PDE3B: variants seen among roughly 807,000 people sequenced by gnomAD.
PDE3B encodes the protein phosphodiesterase 3B.
Under a neutral mutation model 116.8 loss-of-function variants are expected in PDE3B, and 66 were observed. The observed-to-expected ratio is 0.56, with a 90% CI of 0.46 to 0.69. The LOEUF (loss-of-function observed/expected upper bound fraction) is 0.69, where lower values mean the gene tolerates loss of function less well. Among genes scored for constraint, PDE3B ranks in the 30% least tolerant of loss-of-function variants. The probability of loss-of-function intolerance (pLI) is 0.00; values close to 1 mark genes in which losing one functional copy is unlikely to be tolerated. For missense variants in PDE3B, 1,384 were observed against 1,368.1 expected (o/e 1.01, Z -0.18); for synonymous variants, 595 against 533.6 (o/e 1.12, Z -1.59).
rs765067853 is a variant in PDE3B, at chr11:14,786,471, T to C, written c.1064T>C (p.Val355Ala). 6.2e-7 allele frequency: 1 copy of C among 1,612,524 alleles called. No individual in the cohort carries two copies. Among genetic ancestry groups the C allele is most frequent in the Admixed American group, 1.7e-5 (1 of 59,928 alleles). Reference sequence around the variant, plus strand: ...GGTGGAAATGGAGTTGATCTTTCAGTGCTAAATGAGGCTCGCAATATGGTG... The same window carrying C: ...GGTGGAAATGGAGTTGATCTTTCAGCGCTAAATGAGGCTCGCAATATGGTG... Reference protein sequence around the residue: ...SGGGNGVDLSVLNEARNMVSD... With the variant: ...SGGGNGVDLSALNEARNMVSD... The change falls in exon 3 of 16, where the codon GTG becomes GCG. Residue 355 changes from valine (V) to alanine (A), a missense_variant. Coordinates refer to ENST00000282096, the MANE Select transcript of PDE3B (RefSeq NM_000922.4).
chr11:14,805,177 A>G (rs1858882083), intron 5 of PDE3B, among the ~76,000 whole-genome samples: 1 of 152,178 alleles, frequency 6.6e-6, no homozygotes, highest in African/African-American at 2.4e-5. Context: ...AAATACAAGA[A>G]AATCACAGCT....
At chr11:14,848,033 C>A (rs1452232898) in intron 12 of PDE3B, among the ~76,000 whole-genome samples, 8 of 150,956 alleles carry the variant, frequency 5.3e-5, no homozygotes, top group South Asian at 4.2e-4. Flanking sequence ...GAGACACAAC[C>A]AAAAAAGAGA....
chr11:14,840,889 T>C (rs150744072), intron 11 of PDE3B, among the ~76,000 whole-genome samples: 88 of 152,266 alleles, frequency 5.8e-4, no homozygotes, highest in Admixed American at 1.4e-3. Context: ...CAAGGTGTTT[T>C]AGTTAGGGGG....
At position 14,674,155 on chromosome 11, in the gene PDE3B, C is replaced by G. The variant is rs186307554; in HGVS notation, c.978+29102C>G. 4.6e-4 allele frequency: 624 copies of G among 1,361,374 alleles called. 5 individuals are homozygous for G. The African/African-American group carries it at 6.3e-3, about 14-fold the overall frequency. The allele number at this position is 1,361,374 out of a possible 1,614,324, so 84.3% of individuals were successfully genotyped here. ...AGGATCTACCCGGGTCCTTTTCTTC[C>G]GAGGAGGCCAAGGAGTCTCACTGGT... is the stretch of plus-strand genomic sequence containing the variant. On this transcript the variant is annotated intron_variant, in intron 1 of 15. Transcript: ENST00000282096.
chr11:14,891,506 C>T, the PDE3B span: 1 of 994,260 alleles, frequency 1.0e-6, no homozygotes, highest in Non-Finnish European at 1.2e-6. Context: ...ACCAGTCGTT[C>T]GTCGACTGCA....
At position 14,818,328 on chromosome 11, in the gene PDE3B, C is replaced by A; in HGVS notation, c.1668C>A (p.Gly556=). ...GCGTTATCTTGCAGAGATCTCTGGG[C>A]AATGCACCTAATACTCCAGATTTTT... The part of the protein sequence containing the change: ...KPSVILQRSL[G]NAPNTPDFYQ... The change falls in exon 6 of 16, where the codon GGC becomes GGA. Residue 556 remains glycine (G), a synonymous_variant. Transcript: ENST00000282096. 1 of 1,613,414 alleles carries A rather than the reference C, an allele frequency of 6.2e-7. No homozygotes were observed. Among genetic ancestry groups the A allele is most frequent in the African/African-American group, 1.3e-5 (1 of 75,034 alleles).
chr11:14,866,462 A>G (rs1247290071), intron 14 of PDE3B, among the ~76,000 whole-genome samples: 1 of 152,194 alleles, frequency 6.6e-6, no homozygotes, highest in Non-Finnish European at 1.5e-5. Flanking sequence ...TTTAACTGCC[A>G]TGGACTTAGA....
At chr11:14,756,597 T>G (rs1422390935) in intron 1 of PDE3B, among the ~76,000 whole-genome samples, 1 of 152,102 alleles carries the variant, frequency 6.6e-6, no homozygotes, top group East Asian at 1.9e-4. Context: ...AAATAACCTT[T>G]GGATGGAGTC....
At chr11:14,782,579 C>G (rs1183681146) in intron 2 of PDE3B, among the ~76,000 whole-genome samples, 1 of 152,140 alleles carries the variant, frequency 6.6e-6, no homozygotes, top group Non-Finnish European at 1.5e-5. Context: ...TTAACTGGAT[C>G]CCTTACTTAC....
At chr11:14,881,319 AG>A in the PDE3B span, among the ~76,000 whole-genome samples, 1 of 152,146 alleles carries the variant, frequency 6.6e-6, no homozygotes, top group Non-Finnish European at 1.5e-5. Flanking sequence ...AGTCAAAAAA[AG>A]GGCAAACATG....
At chr11:14,787,159 G>T (rs1457044255) in intron 3 of PDE3B, among the ~76,000 whole-genome samples, 1 of 151,722 alleles carries the variant, frequency 6.6e-6, no homozygotes, top group Non-Finnish European at 1.5e-5. Flanking sequence ...GATTACTGTA[G>T]CCCAGTAGGC....
At chr11:14,885,697 T>C in the PDE3B span, 29 of 1,429,842 alleles carry the variant, frequency 2.0e-5, no homozygotes, top group Non-Finnish European at 2.6e-5. Flanking sequence ...TAATCCCAAC[T>C]GTATGCACTA....
At chr11:14,815,529 GT>G (rs1227101599) in intron 5 of PDE3B, among the ~76,000 whole-genome samples, 2 of 152,170 alleles carry the variant, frequency 1.3e-5, no homozygotes, top group Admixed American at 6.5e-5. Context: ...GCTGCCCATA[GT>G]TTTTTGTCAC....
chr11:14,859,349 A>G, intron 13 of PDE3B, 103 bp downstream of exon 13: 1 of 696,724 alleles, frequency 1.4e-6, no homozygotes, highest in Non-Finnish European at 2.3e-6. Context: ...CTACTTAGGA[A>G]GTAACAATAA....
At chr11:14,890,174 A>G in the PDE3B span, among the ~76,000 whole-genome samples, 1 of 151,706 alleles carries the variant, frequency 6.6e-6, no homozygotes, top group Non-Finnish European at 1.5e-5. Context: ...AACCAAGAAC[A>G]CTTGAGTAGC....
rs1848077552 is a variant in PDE3B, at chr11:14,867,904, G to C, written c.3139+146G>C. On this transcript the variant is annotated intron_variant, in intron 15 of 15. Coordinates refer to ENST00000282096, the MANE Select transcript of PDE3B (RefSeq NM_000922.4). ...AAGGAAATATTCATTGGGACACTTG[G>C]ATTTCAGATTTTTCAATTAGGGGTG... 3 of 648,520 alleles carry C rather than the reference G, an allele frequency of 4.6e-6. No individual in the cohort carries two copies. In the East Asian group the frequency reaches 8.4e-5, roughly 18 times the overall value. The allele number at this position is 648,520 out of a possible 1,614,324, so 40.2% of individuals were successfully genotyped here. A position where few individuals can be genotyped will look rare whatever the true frequency, so the allele number is the denominator to read the frequency against.
chr11:14,884,821 T>A, the PDE3B span, among the ~76,000 whole-genome samples: 1 of 152,138 alleles, frequency 6.6e-6, no homozygotes, highest in African/African-American at 2.4e-5. Flanking sequence ...AAATATATAC[T>A]TTTCTCAAAT....
the PDE3B span, chr11:14,891,466 G>A: frequency 6.1e-6 from 6 of 986,538 alleles, no homozygotes; most frequent in Non-Finnish European, 7.2e-6. Flanking sequence ...GCGTTCCCCT[G>A]CATTCTCCAT....
intron 1 of PDE3B, among the ~76,000 whole-genome samples, chr11:14,741,284 C>T (rs1856765568): frequency 6.6e-6 from 1 of 151,982 alleles, no homozygotes; most frequent in Non-Finnish European, 1.5e-5. Flanking sequence ...TCTGGGTGCT[C>T]GTGTATTGGC....
Sources: allele counts gnomAD v4.1 joint callset (sites outside exome capture counted in the v4.1 genomes callset), GRCh38; gene constraint gnomAD v4.1.1; transcripts MANE v1.5; gene names NCBI Gene and HGNC (gene_info 2026-07-23, HGNC 2026-07-21).